The following PRELID2 variants were observed in gnomAD, a reference collection of about 807,000 sequenced individuals.
The protein encoded by PRELID2 is PRELI domain-containing protein 2.
Under a neutral mutation model 28.4 loss-of-function variants are expected in PRELID2, and 25 were observed. The ratio of observed to expected loss-of-function variants is 0.88; its 90% CI spans 0.64 to 1.23. The LOEUF is 1.23. Among genes scored for constraint, PRELID2 ranks in the 50% most tolerant of loss-of-function variants. The probability of loss-of-function intolerance (pLI) is 0.00; values close to 1 mark genes in which losing one functional copy is unlikely to be tolerated. For synonymous variants in PRELID2, 76 were observed against 71.6 expected, an observed-to-expected ratio of 1.06 and a Z score of -0.31; for missense variants, 201 against 214.4, an observed-to-expected ratio of 0.94 and a Z score of 0.39.
At chr5:145,417,769 G>A in the PRELID2 span, among the ~76,000 whole-genome samples, 2 of 152,070 alleles carry the variant, frequency 1.3e-5, no homozygotes, top group African/African-American at 2.4e-5. Context: ...AGCCATACAC[G>A]ATAAATCCAC....
the PRELID2 span, among the ~76,000 whole-genome samples, chr5:145,376,636 C>T: frequency 2.6e-5 from 4 of 152,096 alleles, no homozygotes; most frequent in Non-Finnish European, 5.9e-5. Context: ...TGTATGAATC[C>T]AGCAATTTAT....
chr5:145,554,075 T>C (rs1246932493), intron 1 of PRELID2, among the ~76,000 whole-genome samples: 1 of 152,182 alleles, frequency 6.6e-6, no homozygotes, highest in Non-Finnish European at 1.5e-5. Context: ...GTTGTCTATA[T>C]GCCAAACAAA....
At chr5:145,725,879 A>C (rs555038883) in intron 1 of PRELID2, among the ~76,000 whole-genome samples, 4 of 152,170 alleles carry the variant, frequency 2.6e-5, no homozygotes. Context: ...TAGAATTAAG[A>C]ATTTAAACAG....
the PRELID2 span, among the ~76,000 whole-genome samples, chr5:145,288,300 C>T: frequency 5.3e-5 from 8 of 152,060 alleles, no homozygotes; most frequent in African/African-American, 1.7e-4. Flanking sequence ...AATATAGACT[C>T]ATATATATTC....
At chr5:145,504,454 T>C (rs962665309) in intron 1 of PRELID2, among the ~76,000 whole-genome samples, 2 of 152,172 alleles carry the variant, frequency 1.3e-5, no homozygotes, top group African/African-American at 4.8e-5. Flanking sequence ...GCGATACACA[T>C]AACATTTTCT....
intron 1 of PRELID2, among the ~76,000 whole-genome samples, chr5:145,585,949 A>T (rs1753150437): frequency 6.6e-6 from 1 of 152,068 alleles, no homozygotes; most frequent in Admixed American, 6.6e-5. Flanking sequence ...ACTGCTGTAG[A>T]TCATGCCATA....
intron 1 of PRELID2, among the ~76,000 whole-genome samples, chr5:145,493,713 T>G (rs910063657): frequency 1.3e-5 from 2 of 152,138 alleles, no homozygotes; most frequent in African/African-American, 4.8e-5. Flanking sequence ...CCTCTTCCAC[T>G]TCCTCTCTTT....
chr5:145,322,219 G>C, the PRELID2 span, among the ~76,000 whole-genome samples: 4 of 152,126 alleles, frequency 2.6e-5, no homozygotes, highest in Admixed American at 2.0e-4. Context: ...CAGTCCATTT[G>C]AAAGCACTTG....
intron 1 of PRELID2, among the ~76,000 whole-genome samples, chr5:145,541,762 A>C (rs1428388456): frequency 6.6e-6 from 1 of 152,060 alleles, no homozygotes; most frequent in African/African-American, 2.4e-5. Flanking sequence ...CACCATAAGC[A>C]TGAATGGCTT....
intron 1 of PRELID2, among the ~76,000 whole-genome samples, chr5:145,734,153 T>C (rs1756428958): frequency 2.0e-5 from 3 of 152,264 alleles, no homozygotes; most frequent in African/African-American, 7.2e-5. Flanking sequence ...TCTCACTCTG[T>C]CACCCAGGCT....
At chr5:145,662,089 A>G (rs192573049) in intron 1 of PRELID2, among the ~76,000 whole-genome samples, 8 of 152,076 alleles carry the variant, frequency 5.3e-5, no homozygotes, top group Admixed American at 5.2e-4. Flanking sequence ...CAATGCAGGC[A>G]CTTGTCTAGA....
intron 1 of PRELID2, among the ~76,000 whole-genome samples, chr5:145,584,270 C>A (rs916279300): frequency 2.1e-4 from 32 of 152,058 alleles, no homozygotes; most frequent in African/African-American, 7.5e-4. Context: ...CTTTCTTACA[C>A]CTTATACAAA....
At chr5:145,785,481 GAGTGTT>G (rs1230264361) in intron 5 of PRELID2, among the ~76,000 whole-genome samples, 1 of 152,208 alleles carries the variant, frequency 6.6e-6, no homozygotes, top group Non-Finnish European at 1.5e-5. Context: ...ACGATAGTAT[GAGTGTT>G]AGTTCAAGTT....
the PRELID2 span, among the ~76,000 whole-genome samples, chr5:145,452,291 T>C: frequency 1.2e-4 from 18 of 152,310 alleles, no homozygotes; most frequent in East Asian, 2.9e-3. Flanking sequence ...AGGTTTTTTA[T>C]GATCTGTTTC....
chr5:145,508,756 T>G (rs920432117), intron 1 of PRELID2, among the ~76,000 whole-genome samples: 1 of 152,012 alleles, frequency 6.6e-6, no homozygotes, highest in African/African-American at 2.4e-5. Flanking sequence ...CTCCCTCAAA[T>G]GATGCAAGGC....
At chr5:145,241,709 C>T in the PRELID2 span, among the ~76,000 whole-genome samples, 4 of 151,932 alleles carry the variant, frequency 2.6e-5, no homozygotes, top group Non-Finnish European at 5.9e-5. Context: ...ATCTTTGTTT[C>T]TTTATATTCC....
intron 1 of PRELID2, among the ~76,000 whole-genome samples, chr5:145,619,608 C>T (rs2149650778): frequency 6.6e-6 from 1 of 152,294 alleles, no homozygotes; most frequent in East Asian, 1.9e-4. Flanking sequence ...TGAGGGTCCT[C>T]TCGGTTTCCT....
At chr5:145,454,535 T>C in the PRELID2 span, among the ~76,000 whole-genome samples, 8 of 152,092 alleles carry the variant, frequency 5.3e-5, no homozygotes, top group African/African-American at 1.9e-4. Flanking sequence ...AAAACCCCAT[T>C]GTCTCAGCCC....
chr5:145,551,015 G>A (rs1030708914), intron 1 of PRELID2, among the ~76,000 whole-genome samples: 2 of 152,020 alleles, frequency 1.3e-5, no homozygotes, highest in Non-Finnish European at 2.9e-5. Context: ...TAATATTATC[G>A]AGAATAAATG....
Sources: allele counts gnomAD v4.1 joint callset (sites outside exome capture counted in the v4.1 genomes callset), GRCh38; gene constraint gnomAD v4.1.1; transcripts MANE v1.5; gene names NCBI Gene and HGNC (gene_info 2026-07-23, HGNC 2026-07-21).